The following SERPINB4 variants were observed in gnomAD, a reference collection of about 807,000 sequenced individuals.
The protein encoded by SERPINB4 is serpin B4.
In SERPINB4, 39 loss-of-function variants were observed where a neutral mutation model predicts 33.2. The observed-to-expected ratio is 1.18, with a 90% CI of 0.91 to 1.53. The LOEUF (loss-of-function observed/expected upper bound fraction) is 1.53, where lower values mean the gene tolerates loss of function less well. SERPINB4 is among the 40% of genes most tolerant of loss of function. The pLI, the probability that SERPINB4 is intolerant of heterozygous loss-of-function variation, is 0.00. For missense variants in SERPINB4, 564 were observed against 455.4 expected, an observed-to-expected ratio of 1.24 and a Z score of -2.17; for synonymous variants, 191 against 166.4, an observed-to-expected ratio of 1.15 and a Z score of -1.14.
Position 63,637,920 on chromosome 18 carries a change from T to C in SERPINB4, c.972A>G (p.Ser324=), listed in dbSNP as rs2144461544. 2 of 1,613,562 alleles carry C rather than the reference T, an allele frequency of 1.2e-6. No homozygotes were observed. The highest frequency in any genetic ancestry group is 1.7e-4 in the Middle Eastern group (1 of 6,054). ...AGGCCTTGTGTAGGACTTTAGATACTGAGAGACCGTGGCTCCAGGTCATGC... is the reference window on the plus strand; with the variant it reads ...AGGCCTTGTGTAGGACTTTAGATACCGAGAGACCGTGGCTCCAGGTCATGC... ...LSGMTWSHGL[S]VSKVLHKAFV... The change falls in exon 8 of 8, where the codon TCA becomes TCG. Residue 324 remains serine (S), a synonymous_variant. Transcript: ENST00000341074.
intron 6 of SERPINB4, 78 bp downstream of exon 6, chr18:63,639,553 TATC>T (rs993434169): frequency 5.4e-6 from 6 of 1,104,662 alleles, no homozygotes; most frequent in African/African-American, 3.2e-5. Flanking sequence ...ATTTTTTACT[TATC>T]ATGTTACATT....
At chr18:63,643,940 T>G (rs1598930847) in intron 1 of SERPINB4, among the ~76,000 whole-genome samples, 2 of 151,892 alleles carry the variant, frequency 1.3e-5, no homozygotes, top group African/African-American at 4.8e-5. Flanking sequence ...TCCAACCAGC[T>G]GTTAAGATGC....
chr18:63,641,362 T>A (rs1224402662), intron 4 of SERPINB4, among the ~76,000 whole-genome samples: 1 of 152,122 alleles, frequency 6.6e-6, no homozygotes, highest in African/African-American at 2.4e-5. Flanking sequence ...CATTCAATAT[T>A]TCCTGGTACT....
chr18:63,641,637 C>T, intron 4 of SERPINB4, 123 bp downstream of exon 4: 5 of 1,458,076 alleles, frequency 3.4e-6, no homozygotes, highest in East Asian at 2.3e-5. Context: ...AGCTAATGCA[C>T]TCTGAGTAAA....
Position 63,639,975 on chromosome 18 carries a change from TAA to T in SERPINB4, c.470-201_470-200del, listed in dbSNP as rs10564896. On this transcript the variant is annotated intron_variant, in intron 5 of 7. Coordinates refer to ENST00000341074, the MANE Select transcript of SERPINB4 (RefSeq NM_002974.4). ...AGCTTTCTTCAAGGCTCCAGTCGTA[TAA>T]AGTTACCCTTGATGGAGACATCACT... is the stretch of plus-strand genomic sequence containing the variant. 6.9e-3 allele frequency among the ~76,000 whole-genome samples: 1,054 copies of T among 152,212 alleles called. 18 individuals are homozygous for T. The highest frequency in any genetic ancestry group is 0.024 in the African/African-American group (1,009 of 41,540).
chr18:63,637,501 A>T lies in SERPINB4; in HGVS notation c.*218T>A. 2.2e-6 allele frequency: 1 copy of T among 462,994 alleles called. No individual in the cohort carries two copies. Among genetic ancestry groups the T allele is most frequent in the Non-Finnish European group, 3.7e-6 (1 of 270,468 alleles). 28.7% of individuals were successfully genotyped at this position (462,994 alleles called of 1,614,324 possible). A position where few individuals can be genotyped will look rare whatever the true frequency, so the allele number is the denominator to read the frequency against. On this transcript the variant is annotated 3_prime_UTR_variant, in exon 8 of 8. Coordinates refer to ENST00000341074, the MANE Select transcript of SERPINB4 (RefSeq NM_002974.4). ...ATCTTGGACATTTTTCCTCAAGGGAAATTTTTCTGGAAGGAAAAGTACATT... is the reference window on the plus strand; with the variant it reads ...ATCTTGGACATTTTTCCTCAAGGGATATTTTTCTGGAAGGAAAAGTACATT...
chr18:63,638,207 C>T (rs1913004483), intron 7 of SERPINB4, 84 bp from the exon 8 acceptor site: 8 of 1,466,988 alleles, frequency 5.5e-6, no homozygotes, highest in African/African-American at 1.4e-5. Context: ...TGTGGAGATT[C>T]GTTATTTTGG....
At chr18:63,639,509 T>C in intron 6 of SERPINB4, 125 bp downstream of exon 6, 2 of 1,020,084 alleles carry the variant, frequency 2.0e-6, no homozygotes, top group Non-Finnish European at 2.8e-6. Flanking sequence ...GTTATAAGAG[T>C]AAAACAACAA....
chr18:63,642,750 C>G (rs1383858191), intron 3 of SERPINB4: 3 of 160,090 alleles, frequency 1.9e-5, no homozygotes, highest in Admixed American at 1.8e-4. Context: ...ATAATAATAA[C>G]ATTTATTATG....
In SERPINB4 at chr18:63,637,628, T is replaced by C. The variant is rs1317457792; in HGVS notation, c.*91A>G. 2 of 1,313,732 alleles carry C rather than the reference T, an allele frequency of 1.5e-6. No homozygotes were observed. Among genetic ancestry groups the C allele is most frequent in the Non-Finnish European group, 1.0e-6 (1 of 959,936 alleles). The allele number at this position is 1,313,732 out of a possible 1,614,324, so 81.4% of individuals were successfully genotyped here. A position where few individuals can be genotyped will look rare whatever the true frequency, so the allele number is the denominator to read the frequency against. On this transcript the variant is annotated 3_prime_UTR_variant, in exon 8 of 8. Transcript: ENST00000341074. ...ATCAAGATGAGATAGAAAAGAAATA[T>C]GAGCCAAGAGAATCTGTTGTTGCCA...
intron 2 of SERPINB4, 59 bp from the exon 3 acceptor site, chr18:63,643,276 T>C: frequency 6.2e-7 from 1 of 1,612,278 alleles, no homozygotes; most frequent in Non-Finnish European, 8.5e-7. Context: ...TTTAAGTCAG[T>C]GGTCTCACAG....
intron 6 of SERPINB4, 127 bp from the exon 7 acceptor site, chr18:63,639,467 A>C (rs1913051917): frequency 1.8e-6 from 2 of 1,112,926 alleles, no homozygotes; most frequent in South Asian, 3.6e-5. Context: ...AGTTAGAAAC[A>C]ATAGTTTTTC....
intron 1 of SERPINB4, among the ~76,000 whole-genome samples, chr18:63,643,839 C>T (rs934712601): frequency 3.9e-5 from 6 of 152,006 alleles, no homozygotes; most frequent in African/African-American, 9.7e-5. Context: ...AAGTAATCGA[C>T]CCTCTTTATC....
In SERPINB4 at chr18:63,637,932, G is replaced by T. The variant is rs1467549759; in HGVS notation, c.960C>A (p.Ser320Arg). The T allele has an allele frequency of 6.2e-7, 1 of 1,613,598 alleles. No homozygotes were observed. The highest frequency in any genetic ancestry group is 2.2e-5 in the East Asian group (1 of 44,864). The stretch of plus-strand genomic sequence containing the variant: ...GGACTTTAGATACTGAGAGACCGTG[G>T]CTCCAGGTCATGCCTGAGAGGTCTG... ...GDADLSGMTW[S>R]HGLSVSKVLH... The change falls in exon 8 of 8, where the codon AGC becomes AGA. Residue 320 changes from serine to arginine, a missense_variant. Ser to Arg is a moderately radical substitution (Grantham distance 110). Transcript: ENST00000341074.
chr18:63,640,528 A>T (rs1913091823), intron 5 of SERPINB4, among the ~76,000 whole-genome samples: 1 of 152,060 alleles, frequency 6.6e-6, no homozygotes. Flanking sequence ...AATGTTTTCT[A>T]TTAAATATTC....
chr18:63,640,140 AT>A (rs918658886), intron 5 of SERPINB4, among the ~76,000 whole-genome samples: 83 of 150,238 alleles, frequency 5.5e-4, no homozygotes, highest in Admixed American at 7.3e-4. Context: ...TCCTACTTTT[AT>A]TTTTTTTTAA....
In SERPINB4 at chr18:63,639,685, C is replaced by A. The variant is rs768419194; in HGVS notation, c.561G>T (p.Glu187Asp). 55 of 1,611,114 alleles carry A rather than the reference C, an allele frequency of 3.4e-5. No homozygotes were observed. Among genetic ancestry groups the A allele is most frequent in the Non-Finnish European group, 4.5e-5 (53 of 1,177,982 alleles). Residue 187 changes from glutamate (E) to aspartate (D), a missense_variant, in exon 6 of 8, where the codon GAG becomes GAT. Transcript: ENST00000341074. ...TAGTGTTTTCTTTTTTAAATTTATT[C>A]TCCCACTGCCCTTTGAAATAGATTG... ...VNAIYFKGQW[E>D]NKFKKENTKE...
chr18:63,643,310 C>G (rs534206826), intron 2 of SERPINB4, 93 bp from the exon 3 acceptor site: 65 of 1,607,292 alleles, frequency 4.0e-5, no homozygotes, highest in Middle Eastern at 3.3e-4. Context: ...TGCACAGCCC[C>G]CTGTGCTACC....
chr18:63,639,837 G>A (rs1913068381), intron 5 of SERPINB4, 61 bp from the exon 6 acceptor site: 1 of 1,469,270 alleles, frequency 6.8e-7, no homozygotes, highest in African/African-American at 1.4e-5. Context: ...TCTGGAAGAT[G>A]CTTTGCAAAT....
Sources: allele counts gnomAD v4.1 joint callset (sites outside exome capture counted in the v4.1 genomes callset), GRCh38; gene constraint gnomAD v4.1.1; transcripts MANE v1.5; gene names NCBI Gene and HGNC (gene_info 2026-07-23, HGNC 2026-07-21).